Variants in ANXA4 observed in about 807,000 individuals in gnomAD.
ANXA4 encodes 35-beta calcimedin.
A neutral mutation model predicts 49.8 loss-of-function variants in ANXA4; 39 were observed. That is an observed-to-expected ratio of 0.78 (90% CI 0.61 to 1.02). The LOEUF (loss-of-function observed/expected upper bound fraction) is 1.02, where lower values mean the gene tolerates loss of function less well. Ranked by LOEUF, ANXA4 falls within the 50% of genes least tolerant of loss-of-function variation. The pLI is 0.00. For missense variants in ANXA4, 360 were observed against 410.1 expected (o/e 0.88, Z 1.05); for synonymous variants, 134 against 152.5 (o/e 0.88, Z 0.89).
At position 69,825,439 on chromosome 2, in the gene ANXA4, G is replaced by A. The variant is rs994121152; in HGVS notation, c.907-17G>A. 2 of 1,596,146 alleles carry A rather than the reference G, an allele frequency of 1.3e-6. No individual in the cohort carries two copies. Among genetic ancestry groups the A allele is most frequent in the Non-Finnish European group, 1.7e-6 (2 of 1,170,392 alleles). The stretch of plus-strand genomic sequence containing the variant: ...TTTTAAAATCTATTTATCTAACTTT[G>A]CTTCCCTATCGAACAGGGTGACACA... On this transcript the variant is annotated splice_polypyrimidine_tract_variant and intron_variant, in intron 12 of 12. Coordinates refer to ENST00000394295, the MANE Select transcript of ANXA4 (RefSeq NM_001153.5).
At chr2:69,727,455 G>A (rs1374039256) in intron 3 of ANXA4, among the ~76,000 whole-genome samples, 1 of 152,110 alleles carries the variant, frequency 6.6e-6, no homozygotes, top group East Asian at 1.9e-4. Flanking sequence ...GGTGTGTGCA[G>A]CAGTATCTCA....
chr2:69,674,169 TG>T (rs148736244), intron 2 of ANXA4: 68 of 152,520 alleles, frequency 4.5e-4, no homozygotes, highest in African/African-American at 1.6e-3. Flanking sequence ...TGGTGTTTGC[TG>T]GTGCCTGTCC....
At chr2:69,748,338 C>T (rs1452549095) in intron 1 of ANXA4, among the ~76,000 whole-genome samples, 1 of 151,368 alleles carries the variant, frequency 6.6e-6, no homozygotes, top group African/African-American at 2.4e-5. Flanking sequence ...GAGATCACGC[C>T]ACTGCACTCC....
At chr2:69,785,821 G>T (rs1672390061) in intron 2 of ANXA4, among the ~76,000 whole-genome samples, 1 of 152,068 alleles carries the variant, frequency 6.6e-6, no homozygotes, top group African/African-American at 2.4e-5. Flanking sequence ...TCAGCCTCTG[G>T]ACAGTGCTCG....
rs189939512 is a variant in ANXA4, at chr2:69,730,068, G to A, written n.864+9197G>A. Among the ~76,000 whole-genome samples, 189 of 152,314 alleles carry A rather than the reference G, an allele frequency of 1.2e-3. 1 individual carries two copies. The highest frequency in any genetic ancestry group is 4.1e-3 in the African/African-American group (170 of 41,570). The stretch of plus-strand genomic sequence containing the variant: ...CATTCTCCAGGGAGGGGCCAGGCAC[G>A]ATGGCACACACATGTAATCTCAGCA... On this transcript the variant is annotated intron_variant and non_coding_transcript_variant, in intron 3 of 3. Coordinates refer to the ANXA4 transcript ENST00000418066.
At chr2:69,673,661 AAAAG>A (rs1015359902) in intron 2 of ANXA4, among the ~76,000 whole-genome samples, 2 of 151,334 alleles carry the variant, frequency 1.3e-5, no homozygotes, top group African/African-American at 4.9e-5. Flanking sequence ...ATATTAAAAA[AAAAG>A]AAAAGAAACA....
intron 2 of ANXA4, among the ~76,000 whole-genome samples, chr2:69,691,845 G>C (rs1403348571): frequency 6.6e-6 from 1 of 152,136 alleles, no homozygotes. Context: ...GAAGGGAAGG[G>C]GGATTGGTTA....
At chr2:69,767,224 A>G (rs1325394734) in intron 1 of ANXA4, among the ~76,000 whole-genome samples, 1 of 152,208 alleles carries the variant, frequency 6.6e-6, no homozygotes, top group Non-Finnish European at 1.5e-5. Flanking sequence ...TAGAAGAGCT[A>G]TTTTTGGCAT....
At chr2:69,781,663 A>AT (rs1039729446) in intron 2 of ANXA4, 89 bp downstream of exon 2, 5 of 1,431,354 alleles carry the variant, frequency 3.5e-6, no homozygotes, top group Non-Finnish European at 4.9e-6. Context: ...TAAACAAAGC[A>AT]TTGTTTACTC....
intron 9 of ANXA4, chr2:69,816,924 G>C (rs2103875501): frequency 6.6e-6 from 1 of 152,314 alleles, no homozygotes. Context: ...ATTTGAGAAT[G>C]AGTTTGCTAA....
chr2:69,694,125 A>G (rs1678074564), intron 2 of ANXA4, among the ~76,000 whole-genome samples: 1 of 152,202 alleles, frequency 6.6e-6, no homozygotes, highest in Admixed American at 6.5e-5. Flanking sequence ...TGCAACATTC[A>G]TATTTAATCC....
At chr2:69,696,964 A>C (rs1678179510) in intron 2 of ANXA4, among the ~76,000 whole-genome samples, 1 of 152,200 alleles carries the variant, frequency 6.6e-6, no homozygotes, top group South Asian at 2.1e-4. Context: ...ATAATACTTA[A>C]GGGTCCTAGG....
chr2:69,747,322 T>A (rs955936564), intron 1 of ANXA4, among the ~76,000 whole-genome samples: 3 of 152,172 alleles, frequency 2.0e-5, no homozygotes, highest in Non-Finnish European at 4.4e-5. Flanking sequence ...TGAACCATAT[T>A]CCCTGGAGTA....
chr2:69,711,319 A>G (rs998946936), intron 2 of ANXA4, among the ~76,000 whole-genome samples: 1 of 152,218 alleles, frequency 6.6e-6, no homozygotes, highest in Non-Finnish European at 1.5e-5. Context: ...GAATGGATAA[A>G]CAAACAATTG....
At chr2:69,821,575 T>TC (rs1333894901) in intron 12 of ANXA4, among the ~76,000 whole-genome samples, 1 of 152,126 alleles carries the variant, frequency 6.6e-6, no homozygotes, top group African/African-American at 2.4e-5. Flanking sequence ...GTTCAAGTGA[T>TC]CCTCCTGCCT....
chr2:69,698,950 A>G (rs1678245752), intron 2 of ANXA4, among the ~76,000 whole-genome samples: 1 of 152,230 alleles, frequency 6.6e-6, no homozygotes, highest in Admixed American at 6.5e-5. Flanking sequence ...ATATAAGAGG[A>G]TAAGGCAGGA....
intron 2 of ANXA4, among the ~76,000 whole-genome samples, chr2:69,688,262 C>T (rs1677859242): frequency 6.6e-6 from 1 of 152,172 alleles, no homozygotes; most frequent in African/African-American, 2.4e-5. Context: ...CCTATATTTT[C>T]TGTGATAACG....
At chr2:69,820,099 C>T (rs887206407) in intron 11 of ANXA4, among the ~76,000 whole-genome samples, 3 of 149,380 alleles carry the variant, frequency 2.0e-5, no homozygotes, top group Non-Finnish European at 3.0e-5. Flanking sequence ...CAAAACAAAA[C>T]AACAACAACA....
chr2:69,774,766 A>G (rs942604107), intron 1 of ANXA4, among the ~76,000 whole-genome samples: 2 of 152,218 alleles, frequency 1.3e-5, no homozygotes, highest in African/African-American at 4.8e-5. Context: ...CAGCTGCTTC[A>G]TCAGGGGTAT....
Sources: gnomAD v4.1 joint callset for allele counts (sites outside exome capture counted in the v4.1 genomes callset) on GRCh38, gnomAD v4.1.1 for gene constraint, MANE v1.5 for transcripts, NCBI Gene and HGNC (gene_info 2026-07-23, HGNC 2026-07-21) for gene names.